SCN11A: variants seen among roughly 807,000 people sequenced by gnomAD.
The protein encoded by SCN11A is sodium channel protein type 11 subunit alpha.
In SCN11A, 122 loss-of-function variants were observed where a neutral mutation model predicts 162.2. The observed-to-expected ratio is 0.75, with a 90% CI of 0.65 to 0.87. The LOEUF is 0.87. SCN11A is among the 40% of genes least tolerant of loss of function. The pLI, the probability that SCN11A is intolerant of heterozygous loss-of-function variation, is 0.00. For missense variants in SCN11A, 2,015 were observed against 2,181.6 expected (o/e 0.92, Z 1.52); for synonymous variants, 758 against 751.5 (o/e 1.01, Z -0.14).
chr3:38,967,119 A>C (rs990482558), intron 2 of SCN11A, among the ~76,000 whole-genome samples: 1 of 152,182 alleles, frequency 6.6e-6, no homozygotes, highest in Non-Finnish European at 1.5e-5. Flanking sequence ...AGGAGGCTGA[A>C]ACATCTATCC....
At chr3:38,904,795 C>A (rs2065766875) in intron 15 of SCN11A, among the ~76,000 whole-genome samples, 1 of 152,204 alleles carries the variant, frequency 6.6e-6, no homozygotes. Context: ...TGTGGGGTTT[C>A]TGACTCTAAC....
chr3:39,007,712 C>T (rs908371655), intron 2 of SCN11A, among the ~76,000 whole-genome samples: 1 of 152,220 alleles, frequency 6.6e-6, no homozygotes, highest in Non-Finnish European at 1.5e-5. Context: ...CATTTCAGAC[C>T]TTGCCCTATG....
At chr3:38,877,791 A>ATGG (rs2065244116) in intron 23 of SCN11A, among the ~76,000 whole-genome samples, 2 of 148,480 alleles carry the variant, frequency 1.3e-5, no homozygotes, top group African/African-American at 5.0e-5. Flanking sequence ...TACCATATAT[A>ATGG]TATAGTCTTT....
At chr3:38,952,220 G>A (rs904859343) in intron 4 of SCN11A, among the ~76,000 whole-genome samples, 3 of 152,040 alleles carry the variant, frequency 2.0e-5, no homozygotes, top group Non-Finnish European at 4.4e-5. Flanking sequence ...CACCAATTCC[G>A]GACACAAAAG....
intron 2 of SCN11A, among the ~76,000 whole-genome samples, chr3:38,998,763 T>TG (rs1334796044): frequency 6.6e-6 from 1 of 151,956 alleles, no homozygotes. Flanking sequence ...TGTAGGGACA[T>TG]GGATGAAGCT....
At chr3:38,857,248 T>G (rs1243399423) in intron 28 of SCN11A, among the ~76,000 whole-genome samples, 1 of 151,698 alleles carries the variant, frequency 6.6e-6, no homozygotes, top group Non-Finnish European at 1.5e-5. Flanking sequence ...TTAAAGAAAT[T>G]TAAACAACAA....
intron 2 of SCN11A, among the ~76,000 whole-genome samples, chr3:38,978,282 T>G (rs532829020): frequency 6.6e-6 from 1 of 152,086 alleles, no homozygotes; most frequent in Non-Finnish European, 1.5e-5. Flanking sequence ...TTTTTATTTA[T>G]ATCAAGTCTA....
intron 27 of SCN11A, among the ~76,000 whole-genome samples, chr3:38,866,007 C>T (rs184805136): frequency 2.0e-5 from 3 of 152,204 alleles, no homozygotes; most frequent in Admixed American, 1.3e-4. Flanking sequence ...GACAATATGT[C>T]TTCAATGCTT....
At chr3:38,880,960 T>G (rs796598971) in intron 22 of SCN11A, among the ~76,000 whole-genome samples, 2 of 152,226 alleles carry the variant, frequency 1.3e-5, no homozygotes, top group Admixed American at 6.5e-5. Flanking sequence ...GAAATTTACG[T>G]CAACATTGAA....
intron 28 of SCN11A, among the ~76,000 whole-genome samples, chr3:38,860,250 C>T (rs184882794): frequency 2.8e-4 from 42 of 152,290 alleles, no homozygotes; most frequent in African/African-American, 9.6e-4. Context: ...CCATCTCCCA[C>T]ACAGCCAGCT....
intron 3 of SCN11A, among the ~76,000 whole-genome samples, chr3:38,960,027 C>T (rs1382083425): frequency 6.6e-6 from 1 of 152,106 alleles, no homozygotes; most frequent in Non-Finnish European, 1.5e-5. Flanking sequence ...TTGCAAGCGC[C>T]TATTAGGCCA....
chr3:39,015,495 G>C (rs867768938), intron 2 of SCN11A, among the ~76,000 whole-genome samples: 51 of 152,132 alleles, frequency 3.4e-4, no homozygotes, highest in African/African-American at 1.2e-3. Context: ...TGATTATTGT[G>C]AAGCTCCACT....
At position 38,880,043 on chromosome 3, in the gene SCN11A, A is replaced by C; in HGVS notation, c.3300T>G (p.Ile1100Met). The change falls in exon 23 of 30, where the codon ATT (isoleucine) becomes ATG (methionine). Residue 1100 changes from isoleucine to methionine, a missense_variant. By Grantham distance (10) the Ile-to-Met change is conservative. Transcript: ENST00000302328. Reference protein sequence around the residue: ...LNCTDIIFTHIFILEMVLKWV... With the variant: ...LNCTDIIFTHMFILEMVLKWV... ...ATTTTAGTACCATCTCCAGGATAAA[A>C]ATATGTGTAAAAATAATGTCAGTAC... 1.2e-6 allele frequency: 2 copies of C among 1,611,430 alleles called. No individual in the cohort carries two copies. Among genetic ancestry groups the C allele is most frequent in the South Asian group, 1.1e-5 (1 of 90,976 alleles).
intron 2 of SCN11A, among the ~76,000 whole-genome samples, chr3:38,963,584 G>T (rs2066761738): frequency 6.6e-6 from 1 of 151,344 alleles, no homozygotes; most frequent in Admixed American, 6.6e-5. Flanking sequence ...CAGTGACCTG[G>T]ATAAGATTGG....
chr3:39,039,511 C>T (rs527531705), intron 1 of SCN11A, among the ~76,000 whole-genome samples: 59 of 152,206 alleles, frequency 3.9e-4, no homozygotes, highest in African/African-American at 1.4e-3. Flanking sequence ...TGGGGCCCTG[C>T]GGTCATTCCA....
intron 2 of SCN11A, among the ~76,000 whole-genome samples, chr3:39,001,809 C>T (rs1037186020): frequency 3.3e-5 from 5 of 151,962 alleles, no homozygotes; most frequent in Admixed American, 1.3e-4. Flanking sequence ...CCAAGGTGGG[C>T]GGATCACGAG....
At chr3:39,035,726 G>T (rs1037320271) in intron 1 of SCN11A, among the ~76,000 whole-genome samples, 1 of 151,890 alleles carries the variant, frequency 6.6e-6, no homozygotes, top group Non-Finnish European at 1.5e-5. Flanking sequence ...TGCAAGCTCC[G>T]CCTCCCGGGT....
chr3:38,923,871 A>AG lies in SCN11A; in HGVS notation c.712+1543dup, dbSNP rs552244975. On this transcript the variant is annotated intron_variant, in intron 9 of 29. Coordinates refer to ENST00000302328, the MANE Select transcript of SCN11A (RefSeq NM_001349253.2). ...TTGATGTCTGAGAGACAGACAAGGG[A>AG]GGAGGATTGGATAGGAAGAACCTCA... 4.7e-3 allele frequency among the ~76,000 whole-genome samples: 717 copies of AG among 152,246 alleles called. 2 individuals carry two copies. Among genetic ancestry groups the AG allele is most frequent in the Middle Eastern group, 6.8e-3 (2 of 294 alleles).
rs180990999 is a variant in SCN11A at position 39,016,308 on chromosome 3, T to C, written c.-280+16072A>G. Among the ~76,000 whole-genome samples, 9 of 152,294 alleles carry C rather than the reference T, an allele frequency of 5.9e-5. No homozygotes were observed. The East Asian group carries it at 1.5e-3, about 26-fold the overall frequency. On this transcript the variant is annotated intron_variant, in intron 2 of 29. Transcript: ENST00000302328. ...CTCAGGTATCTGGGGTAAGATGGCT[T>C]TAGTTGTTCAGGGGTGATCCCCCAG...
Sources: allele counts gnomAD v4.1 joint callset (sites outside exome capture counted in the v4.1 genomes callset), GRCh38; gene constraint gnomAD v4.1.1; transcripts MANE v1.5; gene names NCBI Gene and HGNC (gene_info 2026-07-23, HGNC 2026-07-21).